LDB2: variants seen among roughly 807,000 people sequenced by gnomAD.
The protein encoded by LDB2 is LIM domain-binding protein 2.
Under a neutral mutation model 44.3 loss-of-function variants are expected in LDB2, and 12 were observed. The observed-to-expected ratio is 0.27, with a 90% CI of 0.17 to 0.44. The LOEUF is 0.44. LDB2 is among the 20% of genes least tolerant of loss of function. LDB2 has a pLI of 1.00. For missense variants in LDB2, 344 were observed against 473.5 expected, an observed-to-expected ratio of 0.73 and a Z score of 2.54; for synonymous variants, 164 against 174.8, an observed-to-expected ratio of 0.94 and a Z score of 0.49.
chr4:16,861,213 A>G (rs1712432016), intron 1 of LDB2, among the ~76,000 whole-genome samples: 1 of 152,172 alleles, frequency 6.6e-6, no homozygotes, highest in Non-Finnish European at 1.5e-5. Context: ...TGATCAAAAG[A>G]GATGAAAAAG....
intron 5 of LDB2, among the ~76,000 whole-genome samples, chr4:16,559,188 T>A (rs1741037188): frequency 6.6e-6 from 1 of 152,082 alleles, no homozygotes; most frequent in African/African-American, 2.4e-5. Flanking sequence ...AACATCATAA[T>A]GACAGGATCA....
intron 2 of LDB2, among the ~76,000 whole-genome samples, chr4:16,643,809 G>C (rs1490883951): frequency 6.6e-6 from 1 of 151,898 alleles, no homozygotes; most frequent in Non-Finnish European, 1.5e-5. Context: ...CAAATAAAGT[G>C]TCACGAATAA....
At chr4:16,730,845 C>T (rs1466132249) in intron 2 of LDB2, among the ~76,000 whole-genome samples, 1 of 150,274 alleles carries the variant, frequency 6.7e-6, no homozygotes, top group Non-Finnish European at 1.5e-5. Flanking sequence ...GCTCCTATAC[C>T]CTACTTCTGA....
chr4:16,845,670 C>G (rs1786827698), intron 1 of LDB2, among the ~76,000 whole-genome samples: 1 of 152,254 alleles, frequency 6.6e-6, no homozygotes, highest in South Asian at 2.1e-4. Flanking sequence ...TTATGAAATA[C>G]CTACCATGGG....
intron 1 of LDB2, among the ~76,000 whole-genome samples, chr4:16,777,094 G>C (rs1331385526): frequency 6.6e-6 from 1 of 152,164 alleles, no homozygotes; most frequent in Non-Finnish European, 1.5e-5. Flanking sequence ...CTGAAGAATG[G>C]GAGGGAGGGA....
chr4:16,521,484 T>G (rs1407654495), intron 5 of LDB2, among the ~76,000 whole-genome samples: 1 of 152,164 alleles, frequency 6.6e-6, no homozygotes, highest in Non-Finnish European at 1.5e-5. Flanking sequence ...GATCTTTAAC[T>G]GATAACATCT....
intron 1 of LDB2, among the ~76,000 whole-genome samples, chr4:16,843,076 T>C (rs1217206856): frequency 6.6e-6 from 1 of 152,220 alleles, no homozygotes; most frequent in Non-Finnish European, 1.5e-5. Flanking sequence ...ATTGTCAGCC[T>C]AATTGCAATC....
chr4:16,644,618 C>T (rs184162383), intron 2 of LDB2, among the ~76,000 whole-genome samples: 5 of 151,890 alleles, frequency 3.3e-5, no homozygotes, highest in South Asian at 4.2e-4. Flanking sequence ...TTAGTAGAGA[C>T]GGGGTTTCAC....
intron 1 of LDB2, among the ~76,000 whole-genome samples, chr4:16,847,627 T>G (rs184516955): frequency 2.6e-5 from 4 of 152,346 alleles, no homozygotes; most frequent in Admixed American, 1.3e-4. Flanking sequence ...GTTTGTTTGT[T>G]TGTTTTTTGA....
intron 2 of LDB2, among the ~76,000 whole-genome samples, chr4:16,751,184 C>A (rs1361756506): frequency 6.6e-6 from 1 of 152,102 alleles, no homozygotes; most frequent in Admixed American, 6.5e-5. Flanking sequence ...TGCATTTAAG[C>A]CTGTACGTTT....
chr4:16,886,454 G>T (rs1721714407), intron 1 of LDB2, among the ~76,000 whole-genome samples: 1 of 152,076 alleles, frequency 6.6e-6, no homozygotes, highest in Admixed American at 6.5e-5. Context: ...AGCAAGTAAA[G>T]ATTTATGTAT....
At chr4:16,844,667 C>A (rs1326979323) in intron 1 of LDB2, among the ~76,000 whole-genome samples, 1 of 152,138 alleles carries the variant, frequency 6.6e-6, no homozygotes, top group Non-Finnish European at 1.5e-5. Flanking sequence ...CTTCTCTCAT[C>A]TTGTTTCGTT....
intron 1 of LDB2, among the ~76,000 whole-genome samples, chr4:16,884,564 C>A (rs2063959290): frequency 1.3e-5 from 2 of 152,130 alleles, no homozygotes. Flanking sequence ...GTTCTTGCTA[C>A]CTTAAACACC....
chr4:16,847,665 T>C (rs1580193536), intron 1 of LDB2, among the ~76,000 whole-genome samples: 2 of 152,362 alleles, frequency 1.3e-5, no homozygotes, highest in African/African-American at 2.4e-5. Flanking sequence ...TCGCCCAGGC[T>C]GGACTGCAGT....
At chr4:16,519,730 C>A (rs1725266085) in intron 5 of LDB2, among the ~76,000 whole-genome samples, 1 of 151,280 alleles carries the variant, frequency 6.6e-6, no homozygotes, top group South Asian at 2.1e-4. Context: ...AGAATTTTAG[C>A]CTCTCTGAAT....
chr4:16,685,401 T>TTTTTG (rs201233928), intron 2 of LDB2, among the ~76,000 whole-genome samples: 5 of 152,166 alleles, frequency 3.3e-5, no homozygotes, highest in Admixed American at 6.6e-5. Flanking sequence ...GTTTTTTGTT[T>TTTTTG]TTTTGTTTTG....
chr4:16,882,412 C>T (rs1049544438), intron 1 of LDB2, among the ~76,000 whole-genome samples: 1 of 152,110 alleles, frequency 6.6e-6, no homozygotes, highest in Non-Finnish European at 1.5e-5. Context: ...TTCTTCTCTC[C>T]TTTTCCCCTG....
chr4:16,739,728 A>T (rs1312504643), intron 2 of LDB2, among the ~76,000 whole-genome samples: 2 of 123,048 alleles, frequency 1.6e-5, no homozygotes, highest in African/African-American at 3.1e-5. Context: ...ATATACATAT[A>T]TGTGTATATA....
intron 5 of LDB2, chr4:16,581,329 G>T (rs1439907028): frequency 3.7e-6 from 3 of 816,490 alleles, no homozygotes; most frequent in Non-Finnish European, 4.4e-6. Context: ...GGGTCACACA[G>T]CTAGTAAGAA....
Sources: allele counts gnomAD v4.1 joint callset (sites outside exome capture counted in the v4.1 genomes callset), GRCh38; gene constraint gnomAD v4.1.1; transcripts MANE v1.5; gene names NCBI Gene and HGNC (gene_info 2026-07-23, HGNC 2026-07-21).